The following ZNF439 variants were observed in gnomAD, a reference collection of about 807,000 sequenced individuals.
ZNF439 encodes zinc finger protein 439.
A neutral mutation model predicts 47.3 loss-of-function variants in ZNF439; 40 were observed. The ratio of observed to expected loss-of-function variants is 0.85; its 90% CI spans 0.66 to 1.10. ZNF439 has a LOEUF of 1.10. ZNF439 is among the 50% of genes least tolerant of loss of function. The pLI, the probability that ZNF439 is intolerant of heterozygous loss-of-function variation, is 0.00. For synonymous variants in ZNF439, 171 were observed against 198.8 expected, an observed-to-expected ratio of 0.86 and a Z score of 1.18; for missense variants, 556 against 601.1, an observed-to-expected ratio of 0.93 and a Z score of 0.78.
intron 1 of ZNF439, among the ~76,000 whole-genome samples, chr19:11,855,248 A>G (rs933845062): frequency 6.6e-6 from 1 of 152,196 alleles, no homozygotes; most frequent in African/African-American, 2.4e-5. Flanking sequence ...TAGGTCCCCA[A>G]TCCACAATGT....
In ZNF439 at chr19:11,867,876, T is replaced by A; in HGVS notation, c.822T>A (p.Pro274=). ...AAAGAACTCACATTGGAGAAAAGCCTTATGAATGTCAGGAATGTGGGAAAG... is the reference window on the plus strand; with the variant it reads ...AAAGAACTCACATTGGAGAAAAGCCATATGAATGTCAGGAATGTGGGAAAG... ...IHERTHIGEK[P]YECQECGKAF... The change falls in exon 4 of 4, where the codon CCT becomes CCA. Residue 274 remains proline, a synonymous_variant. Transcript: ENST00000682736. The A allele has an allele frequency of 6.2e-7, 1 of 1,614,022 alleles. No homozygotes were observed. The highest frequency in any genetic ancestry group is 1.1e-5 in the South Asian group (1 of 91,066).
chr19:11,849,065 C>T, intron 1 of ZNF439, 135 bp downstream of exon 1: 1 of 1,226,508 alleles, frequency 8.2e-7, no homozygotes, highest in Non-Finnish European at 1.0e-6. Context: ...GTCCCCGCGG[C>T]CGCTGGATGT....
intron 1 of ZNF439, among the ~76,000 whole-genome samples, chr19:11,864,707 C>G (rs1976627590): frequency 6.6e-6 from 1 of 152,124 alleles, no homozygotes. Context: ...TGTAAGTTCT[C>G]TAAGATGAAT....
At chr19:11,855,407 T>C (rs1398837807) in intron 1 of ZNF439, among the ~76,000 whole-genome samples, 2 of 152,162 alleles carry the variant, frequency 1.3e-5, no homozygotes, top group African/African-American at 4.8e-5. Context: ...GTTACATTAA[T>C]GGAACCAAAA....
In ZNF439 at chr19:11,848,784, G is replaced by A; in HGVS notation, c.-84G>A. ...CTGCCGTCACCTTTGTCGCTGCGAG[G>A]GCGGCGGTTGGGATCTGGCCTTTCC... On this transcript the variant is annotated 5_prime_UTR_variant, in exon 1 of 4. Coordinates refer to ENST00000682736, the MANE Select transcript of ZNF439 (RefSeq NM_001348719.2). The A allele has an allele frequency of 7.3e-7, 1 of 1,362,556 alleles. No homozygotes were observed. The highest frequency in any genetic ancestry group is 9.6e-7 in the Non-Finnish European group (1 of 1,036,754). The allele number at this position is 1,362,556 out of a possible 1,614,324, so 84.4% of individuals were successfully genotyped here.
intron 1 of ZNF439, among the ~76,000 whole-genome samples, chr19:11,863,479 T>G (rs955600962): frequency 6.6e-6 from 1 of 152,134 alleles, no homozygotes; most frequent in Admixed American, 6.5e-5. Context: ...TTTGATTAGT[T>G]GGCTTTTTTC....
intron 1 of ZNF439, among the ~76,000 whole-genome samples, chr19:11,853,514 T>C (rs556390307): frequency 1.8e-4 from 27 of 152,238 alleles, no homozygotes; most frequent in African/African-American, 6.5e-4. Flanking sequence ...TTTCAAACAA[T>C]AGGCTCCAGA....
rs1025107546 is a variant in ZNF439 at position 11,867,836 on chromosome 19, C to T, written c.782C>T (p.Thr261Ile). ...GGTAAATCTTTTAGTTATTCTGCTA[C>T]CCATCGAATACATGAAAGAACTCAC... ...QCGKSFSYSA[T>I]HRIHERTHIG... Residue 261 changes from threonine to isoleucine, a missense_variant, in exon 4 of 4, where the codon ACC (threonine) becomes ATC (isoleucine). By Grantham distance (89) the Thr-to-Ile change is moderately conservative. Coordinates refer to ENST00000682736, the MANE Select transcript of ZNF439 (RefSeq NM_001348719.2). 3.1e-6 allele frequency: 5 copies of T among 1,613,386 alleles called. No individual in the cohort carries two copies. Among genetic ancestry groups the T allele is most frequent in the African/African-American group, 2.7e-5 (2 of 74,868 alleles).
intron 1 of ZNF439, among the ~76,000 whole-genome samples, chr19:11,862,516 A>G (rs1325102648): frequency 1.3e-5 from 2 of 152,166 alleles, no homozygotes; most frequent in African/African-American, 2.4e-5. Flanking sequence ...TGTGGACATC[A>G]GTTTTCAGTT....
chr19:11,849,390 C>A (rs930515542), intron 1 of ZNF439: 2 of 735,474 alleles, frequency 2.7e-6, no homozygotes, highest in Non-Finnish European at 1.7e-6. Context: ...TGTGGTTTGT[C>A]AACGGAAAAA....
At chr19:11,860,436 C>T (rs1193278636) in intron 1 of ZNF439, among the ~76,000 whole-genome samples, 1 of 151,970 alleles carries the variant, frequency 6.6e-6, no homozygotes, top group African/African-American at 2.4e-5. Flanking sequence ...CTCTTTAGGG[C>T]ACTGACTTTA....
Position 11,867,772 on chromosome 19 carries a change from A to G in ZNF439, c.718A>G (p.Thr240Ala). The part of the protein sequence containing the change: ...CLSLYLIHER[T>A]HTGEKPYECK... The stretch of plus-strand genomic sequence containing the variant: ...CAGTTTATATCTTATCCATGAAAGA[A>G]CTCACACTGGAGAGAAACCGTATGA... The change falls in exon 4 of 4, where the codon ACT (threonine) becomes GCT (alanine). Residue 240 changes from threonine (T) to alanine (A), a missense_variant. Coordinates refer to ENST00000682736, the MANE Select transcript of ZNF439 (RefSeq NM_001348719.2). 6.2e-7 allele frequency: 1 copy of G among 1,614,160 alleles called. No individual in the cohort carries two copies. The highest frequency in any genetic ancestry group is 8.5e-7 in the Non-Finnish European group (1 of 1,180,014).
At chr19:11,862,975 C>T (rs1976577615) in intron 1 of ZNF439, among the ~76,000 whole-genome samples, 1 of 151,964 alleles carries the variant, frequency 6.6e-6, no homozygotes, top group Admixed American at 6.6e-5. Context: ...TCTCAAACTC[C>T]TGACCTCAGG....
intron 1 of ZNF439, chr19:11,850,706 T>C (rs1435287261): frequency 6.6e-6 from 1 of 151,996 alleles, no homozygotes; most frequent in Non-Finnish European, 1.5e-5. Context: ...TCAAGACGAG[T>C]CACAAAGTGC....
At chr19:11,859,501 C>T (rs966387268) in intron 1 of ZNF439, among the ~76,000 whole-genome samples, 3 of 152,182 alleles carry the variant, frequency 2.0e-5, no homozygotes, top group African/African-American at 7.2e-5. Context: ...AAATGCTTTA[C>T]ATCAAAGGGT....
chr19:11,854,498 G>A (rs1976332277), intron 1 of ZNF439, among the ~76,000 whole-genome samples: 2 of 152,174 alleles, frequency 1.3e-5, no homozygotes, highest in Admixed American at 6.5e-5. Context: ...AGTGGCTCAC[G>A]CCTGTAATCC....
chr19:11,861,836 T>A (rs279212), intron 1 of ZNF439, among the ~76,000 whole-genome samples: 23,973 of 152,066 alleles, frequency 0.16, 4,720 homozygotes, highest in African/African-American at 0.47. Flanking sequence ...TCACCACCAG[T>A]CACTCTCCCG....
intron 1 of ZNF439, chr19:11,857,345 C>A (rs1024420492): frequency 6.6e-6 from 1 of 152,170 alleles, no homozygotes; most frequent in Non-Finnish European, 1.5e-5. Context: ...ACAATAATTG[C>A]GTCTGGATCA....
In ZNF439 at chr19:11,865,197, C is replaced by T. The variant is rs533776670; in HGVS notation, c.64-1008C>T. On this transcript the variant is annotated intron_variant, in intron 1 of 3. Transcript: ENST00000682736. ...GTGGCTGCATTGCTCATTACTGCCA[C>T]CCCAGGAAGGTCGTATAGTGGTTAA... 1.1e-4 allele frequency among the ~76,000 whole-genome samples: 16 copies of T among 152,258 alleles called. No individual in the cohort carries two copies. The South Asian group carries it at 2.9e-3, about 28-fold the overall frequency.
Sources: gnomAD v4.1 joint callset for allele counts (sites outside exome capture counted in the v4.1 genomes callset) on GRCh38, gnomAD v4.1.1 for gene constraint, MANE v1.5 for transcripts, NCBI Gene and HGNC (gene_info 2026-07-23, HGNC 2026-07-21) for gene names.